The following TENM4 variants were observed in gnomAD, a reference collection of about 807,000 sequenced individuals.
TENM4 encodes the protein teneurin transmembrane protein 4, also known as teneurin-4.
TENM4 carries 82 observed loss-of-function variants against 243.3 expected under a neutral mutation model. That is an observed-to-expected ratio of 0.34 (90% CI 0.28 to 0.40). The LOEUF (loss-of-function observed/expected upper bound fraction) is 0.40. Ranked by LOEUF, TENM4 falls within the 10% of genes least tolerant of loss-of-function variation. TENM4 has a pLI of 1.00. For synonymous variants in TENM4, 1,412 were observed against 1,456.3 expected (o/e 0.97, Z 0.69); for missense variants, 3,138 against 3,673.3 (o/e 0.85, Z 3.77).
intron 2 of TENM4, among the ~76,000 whole-genome samples, chr11:79,240,682 G>A (rs946364934): frequency 2.6e-5 from 4 of 152,152 alleles, no homozygotes; most frequent in Admixed American, 6.6e-5. Context: ...GCAAGCATGG[G>A]AATCTTATGT....
chr11:78,704,024 C>CACACACAT (rs1555067556), intron 27 of TENM4, among the ~76,000 whole-genome samples: 2 of 128,970 alleles, frequency 1.6e-5, no homozygotes, highest in African/African-American at 6.0e-5. Context: ...CACACACACA[C>CACACACAT]ATATATATAT....
intron 32 of TENM4, among the ~76,000 whole-genome samples, chr11:78,661,878 G>C (rs1222215216): frequency 1.3e-5 from 2 of 152,144 alleles, no homozygotes; most frequent in South Asian, 2.1e-4. Flanking sequence ...AGGACCTCTA[G>C]CTTCATACCC....
intron 21 of TENM4, 69 bp from the exon 22 acceptor site, chr11:78,729,712 G>A: frequency 6.5e-7 from 1 of 1,532,030 alleles, no homozygotes; most frequent in Non-Finnish European, 8.8e-7. Context: ...AGATGGCGTG[G>A]CCCCATGGAC....
intron 6 of TENM4, among the ~76,000 whole-genome samples, chr11:79,053,363 G>C (rs1859851482): frequency 6.6e-6 from 1 of 152,194 alleles, no homozygotes; most frequent in South Asian, 2.1e-4. Context: ...TGTCATGTCT[G>C]TTCTTACCTG....
intron 12 of TENM4, among the ~76,000 whole-genome samples, chr11:78,830,068 G>A (rs1308738113): frequency 1.3e-5 from 2 of 152,206 alleles, no homozygotes; most frequent in Non-Finnish European, 2.9e-5. Context: ...CCACATGGAC[G>A]TATTGGGGCT....
At chr11:78,695,198 G>A (rs1036023653) in intron 28 of TENM4, among the ~76,000 whole-genome samples, 6 of 151,832 alleles carry the variant, frequency 4.0e-5, no homozygotes, top group Non-Finnish European at 7.4e-5. Context: ...GCAGGTGTGT[G>A]CCACTACATC....
chr11:78,941,030 T>C (rs901696818), intron 6 of TENM4, among the ~76,000 whole-genome samples: 2 of 152,110 alleles, frequency 1.3e-5, no homozygotes, highest in African/African-American at 4.8e-5. Flanking sequence ...TGAACAAACA[T>C]CCTGCATTTT....
intron 2 of TENM4, among the ~76,000 whole-genome samples, chr11:79,287,399 C>T (rs936588937): frequency 2.6e-5 from 4 of 152,148 alleles, no homozygotes; most frequent in Non-Finnish European, 4.4e-5. Context: ...AGTGAGAAAG[C>T]GTGCCAGATG....
intron 7 of TENM4, among the ~76,000 whole-genome samples, chr11:78,899,559 C>CCT (rs375147197): frequency 3.4e-5 from 1 of 29,590 alleles, no homozygotes; most frequent in Non-Finnish European, 9.5e-5. Flanking sequence ...TCTCAAAAAG[C>CCT]GGGGGGGGGG....
chr11:78,895,280 G>A (rs532619909), intron 7 of TENM4, among the ~76,000 whole-genome samples: 2 of 151,540 alleles, frequency 1.3e-5, no homozygotes, highest in African/African-American at 4.8e-5. Flanking sequence ...AGGTTGCAGT[G>A]AGCCGGCGAT....
intron 6 of TENM4, among the ~76,000 whole-genome samples, chr11:79,013,991 C>T (rs999622968): frequency 6.6e-6 from 1 of 152,140 alleles, no homozygotes. Flanking sequence ...TCTCTATAGT[C>T]ACTTTTTGAC....
intron 1 of TENM4, among the ~76,000 whole-genome samples, chr11:79,316,679 T>G (rs989703060): frequency 2.1e-4 from 32 of 152,320 alleles, no homozygotes; most frequent in Middle Eastern, 3.4e-3. Context: ...TTCTGATGGT[T>G]TGCTCCCCCA....
Position 78,896,430 on chromosome 11 carries a change from T to C in TENM4, c.750-5094A>G, listed in dbSNP as rs553974085. 7.2e-5 allele frequency among the ~76,000 whole-genome samples: 11 copies of C among 152,250 alleles called. No individual in the cohort carries two copies. In the East Asian group the frequency reaches 1.9e-3, roughly 27 times the overall value. Reference sequence around the variant, plus strand: ...TCCTTCTAAAAGGCCAATCCCATAATGGCACCTTCTGATTTAAAAGCTCTT... The same window carrying C: ...TCCTTCTAAAAGGCCAATCCCATAACGGCACCTTCTGATTTAAAAGCTCTT... On this transcript the variant is annotated intron_variant, in intron 7 of 33. Transcript: ENST00000278550.
At chr11:79,186,768 T>C (rs1265301688) in intron 3 of TENM4, among the ~76,000 whole-genome samples, 1 of 152,210 alleles carries the variant, frequency 6.6e-6, no homozygotes, top group Non-Finnish European at 1.5e-5. Flanking sequence ...TACCGTGTGT[T>C]ATTGTTCCTG....
chr11:78,750,773 A>G (rs781097926), intron 19 of TENM4, among the ~76,000 whole-genome samples: 7 of 152,004 alleles, frequency 4.6e-5, no homozygotes, highest in Non-Finnish European at 7.4e-5. Context: ...AGAGCCCCCA[A>G]AGTAATGGGG....
At chr11:78,865,600 T>G (rs1454716533) in intron 9 of TENM4, among the ~76,000 whole-genome samples, 1 of 152,138 alleles carries the variant, frequency 6.6e-6, no homozygotes, top group African/African-American at 2.4e-5. Context: ...TGAGGGGCTG[T>G]GTGACTGCCA....
In TENM4 at chr11:79,431,627, A is replaced by C. The variant is rs76729598; in HGVS notation, c.-321+8882T>G. ...CTCCAGGATCCAACACTGCCTTAAA[A>C]ATAATCTCAGCTAGTAAGACAAGTG... On this transcript the variant is annotated intron_variant, in intron 1 of 33. Transcript: ENST00000278550. Among the ~76,000 whole-genome samples, 394 of 152,346 alleles carry C rather than the reference A, an allele frequency of 2.6e-3. 1 individual carries two copies. The highest frequency in any genetic ancestry group is 9.0e-3 in the African/African-American group (374 of 41,584).
chr11:79,071,455 A>T, intron 4 of TENM4, among the ~76,000 whole-genome samples: 2 of 148,906 alleles, frequency 1.3e-5, no homozygotes, highest in South Asian at 2.2e-4. Context: ...TGTGCTGCAA[A>T]GTGGGAGTGT....
intron 4 of TENM4, among the ~76,000 whole-genome samples, chr11:79,080,540 G>A (rs1023405926): frequency 5.3e-5 from 8 of 152,194 alleles, no homozygotes; most frequent in Admixed American, 2.6e-4. Flanking sequence ...CCATTGTGTT[G>A]ACTGGAATCC....
Sources: allele counts gnomAD v4.1 joint callset (sites outside exome capture counted in the v4.1 genomes callset), GRCh38; gene constraint gnomAD v4.1.1; transcripts MANE v1.5; gene names NCBI Gene and HGNC (gene_info 2026-07-23, HGNC 2026-07-21).